HERC4: variants seen among roughly 807,000 people sequenced by gnomAD.
The protein encoded by HERC4 is probable E3 ubiquitin-protein ligase HERC4.
HERC4 carries 28 observed loss-of-function variants against 124.3 expected under a neutral mutation model. The ratio of observed to expected loss-of-function variants is 0.23; its 90% CI spans 0.17 to 0.31. The LOEUF is 0.31. HERC4 is among the 10% of genes least tolerant of loss of function. HERC4 has a pLI of 1.00. For missense variants in HERC4, 713 were observed against 1,229.3 expected, an observed-to-expected ratio of 0.58 and a Z score of 6.28; for synonymous variants, 407 against 421.5, an observed-to-expected ratio of 0.97 and a Z score of 0.42.
intron 8 of HERC4, among the ~76,000 whole-genome samples, chr10:68,022,237 C>T (rs1408763042): frequency 1.3e-5 from 2 of 152,068 alleles, no homozygotes; most frequent in African/African-American, 4.8e-5. Context: ...TGGGGGCTCA[C>T]GCCTGTAATC....
intron 3 of HERC4, among the ~76,000 whole-genome samples, chr10:68,063,734 T>G (rs370852157): frequency 2.1e-4 from 32 of 152,146 alleles, no homozygotes; most frequent in African/African-American, 7.5e-4. Context: ...GGCCAGGAGT[T>G]TGAGACCAGC....
intron 17 of HERC4, chr10:67,956,326 T>C (rs117880827): frequency 0.054 from 8,282 of 152,096 alleles, 310 homozygotes; most frequent in Middle Eastern, 0.11. Flanking sequence ...GAAAGAACTC[T>C]CAACATAAAA....
intron 14 of HERC4, among the ~76,000 whole-genome samples, chr10:67,989,345 G>A (rs1192512538): frequency 1.3e-5 from 2 of 151,954 alleles, no homozygotes; most frequent in Non-Finnish European, 2.9e-5. Context: ...TGTAACATAT[G>A]GGTCCTTCCC....
intron 15 of HERC4, among the ~76,000 whole-genome samples, chr10:67,983,742 G>T (rs143463156): frequency 3.1e-3 from 426 of 138,856 alleles, no homozygotes; most frequent in African/African-American, 0.011. Context: ...AGCCAAGATC[G>T]CACCACTGCA....
intron 9 of HERC4, among the ~76,000 whole-genome samples, chr10:68,011,798 G>C (rs1418854555): frequency 6.6e-6 from 1 of 152,322 alleles, no homozygotes; most frequent in South Asian, 2.1e-4. Flanking sequence ...AGATGCATTA[G>C]ACCCTAAAAG....
intron 7 of HERC4, 21 bp downstream of exon 7, chr10:68,032,757 G>A: frequency 8.3e-7 from 1 of 1,200,552 alleles, no homozygotes; most frequent in Admixed American, 1.7e-5. Flanking sequence ...TAATAATAAA[G>A]AAGTTTTAGA....
chr10:67,927,999 TCA>T (rs1464018490), intron 23 of HERC4, among the ~76,000 whole-genome samples: 2 of 152,104 alleles, frequency 1.3e-5, no homozygotes, highest in African/African-American at 2.4e-5. Flanking sequence ...CAATTTTAGA[TCA>T]GTTATCCAGG....
intron 4 of HERC4, among the ~76,000 whole-genome samples, chr10:68,041,709 T>C (rs1037708245): frequency 6.6e-6 from 1 of 152,196 alleles, no homozygotes; most frequent in Non-Finnish European, 1.5e-5. Context: ...TTTCCACTTA[T>C]ATTAAACTAC....
intron 15 of HERC4, among the ~76,000 whole-genome samples, chr10:67,982,933 G>C (rs1564507432): frequency 6.6e-6 from 1 of 152,024 alleles, no homozygotes; most frequent in Non-Finnish European, 1.5e-5. Context: ...TTCAAGACCA[G>C]CCTGGGCAAC....
At chr10:67,924,184 C>T (rs949720672) in intron 24 of HERC4, among the ~76,000 whole-genome samples, 3 of 152,190 alleles carry the variant, frequency 2.0e-5, no homozygotes, top group Non-Finnish European at 2.9e-5. Flanking sequence ...ATGCTTGTGA[C>T]TGTACTGAAT....
At chr10:68,010,984 T>C (rs1427896797) in intron 9 of HERC4, 1 of 804,244 alleles carries the variant, frequency 1.2e-6, no homozygotes, top group East Asian at 2.7e-5. Context: ...GTTAAGTTCT[T>C]CGAATGAAGT....
At chr10:68,033,212 C>A (rs928384777) in intron 6 of HERC4, among the ~76,000 whole-genome samples, 7 of 152,030 alleles carry the variant, frequency 4.6e-5, no homozygotes, top group Non-Finnish European at 8.8e-5. Flanking sequence ...CAGGAGCCTA[C>A]TTAAAAGCCT....
chr10:67,934,631 GT>G (rs146964851), intron 22 of HERC4, among the ~76,000 whole-genome samples: 13,594 of 152,118 alleles, frequency 0.089, 1,642 homozygotes, highest in African/African-American at 0.28. Context: ...GACTGTGCAT[GT>G]ATAAAAATGT....
At chr10:67,961,930 GAA>G (rs1449267900) in intron 16 of HERC4, among the ~76,000 whole-genome samples, 3 of 152,086 alleles carry the variant, frequency 2.0e-5, no homozygotes, top group African/African-American at 7.2e-5. Context: ...TAAACAAGAT[GAA>G]AGTCTTTAGA....
At chr10:68,054,777 T>A (rs1277601551) in intron 3 of HERC4, among the ~76,000 whole-genome samples, 1 of 152,180 alleles carries the variant, frequency 6.6e-6, no homozygotes, top group Non-Finnish European at 1.5e-5. Flanking sequence ...ATTACATTGC[T>A]ATTTTGTTGC....
At chr10:67,930,646 T>A (rs1483922868) in intron 23 of HERC4, among the ~76,000 whole-genome samples, 1 of 152,196 alleles carries the variant, frequency 6.6e-6, no homozygotes, top group Non-Finnish European at 1.5e-5. Flanking sequence ...GTATACAGTA[T>A]CTAACTAATT....
At chr10:68,074,383 T>C (rs1333233566) in intron 1 of HERC4, among the ~76,000 whole-genome samples, 1 of 152,110 alleles carries the variant, frequency 6.6e-6, no homozygotes, top group Non-Finnish European at 1.5e-5. Context: ...TAACAGAAGT[T>C]TGATTTCATT....
In HERC4 at chr10:67,929,012, T is replaced by C. The variant is rs566436052; in HGVS notation, c.2838+3585A>G. On this transcript the variant is annotated intron_variant, in intron 23 of 24. Transcript: ENST00000373700. ...GCTCTAAGTCACTCATCAATTTATC[T>C]CCTTACTTTCTGTCTTCCAAAACTA... Among the ~76,000 whole-genome samples the C allele has an allele frequency of 1.4e-4, 21 of 152,316 alleles. No individual in the cohort carries two copies. The South Asian group carries it at 3.1e-3, about 23-fold the overall frequency.
At chr10:67,947,137 T>C (rs1054727111) in intron 19 of HERC4, among the ~76,000 whole-genome samples, 1 of 152,190 alleles carries the variant, frequency 6.6e-6, no homozygotes, top group Non-Finnish European at 1.5e-5. Context: ...TAACAGATAT[T>C]TATAGGACAT....
Sources: gnomAD v4.1 joint callset for allele counts (sites outside exome capture counted in the v4.1 genomes callset) on GRCh38, gnomAD v4.1.1 for gene constraint, MANE v1.5 for transcripts, NCBI Gene and HGNC (gene_info 2026-07-23, HGNC 2026-07-21) for gene names.